The following DCDC2C variants were observed in gnomAD, a reference collection of about 807,000 sequenced individuals.
The protein encoded by DCDC2C is doublecortin domain-containing protein 2C.
Under a neutral mutation model 45.0 loss-of-function variants are expected in DCDC2C, and 44 were observed. That is an observed-to-expected ratio of 0.98 (90% CI 0.77 to 1.26). The LOEUF (loss-of-function observed/expected upper bound fraction) is 1.26. DCDC2C is among the 50% of genes most tolerant of loss of function. The pLI is 0.00. For missense variants in DCDC2C, 447 were observed against 468.9 expected, an observed-to-expected ratio of 0.95 and a Z score of 0.43; for synonymous variants, 187 against 178.8, an observed-to-expected ratio of 1.05 and a Z score of -0.37.
At chr2:3,728,760 T>C (rs1251757932) in intron 3 of DCDC2C, among the ~76,000 whole-genome samples, 1 of 151,860 alleles carries the variant, frequency 6.6e-6, no homozygotes, top group Non-Finnish European at 1.5e-5. Flanking sequence ...GCTTAGATGC[T>C]CAGGAGAGAA....
intron 2 of DCDC2C, among the ~76,000 whole-genome samples, chr2:3,714,319 G>A (rs1342311316): frequency 6.6e-6 from 1 of 152,146 alleles, no homozygotes; most frequent in Non-Finnish European, 1.5e-5. Context: ...ATGCTCTTGG[G>A]GTCTTGGCTT....
At chr2:3,708,451 A>G in intron 1 of DCDC2C, 98 bp from the exon 2 acceptor site, 3 of 874,568 alleles carry the variant, frequency 3.4e-6, no homozygotes, top group Non-Finnish European at 5.1e-6. Context: ...GTGGGGTTGT[A>G]TCTATTAAGC....
At chr2:3,770,700 G>C (rs1306529475) in intron 8 of DCDC2C, among the ~76,000 whole-genome samples, 1 of 152,162 alleles carries the variant, frequency 6.6e-6, no homozygotes, top group Non-Finnish European at 1.5e-5. Flanking sequence ...GTGGCTTTCT[G>C]GGTTGTAGAC....
Position 3,704,022 on chromosome 2 carries a change from C to G in DCDC2C, c.271C>G (p.Arg91Gly). 7.8e-7 allele frequency: 1 copy of G among 1,275,504 alleles called. No homozygotes were observed. Among genetic ancestry groups the G allele is most frequent in the African/African-American group, 1.5e-5 (1 of 64,590 alleles). 79.0% of individuals were successfully genotyped at this position (1,275,504 alleles called of 1,614,324 possible). A position where few individuals can be genotyped will look rare whatever the true frequency, so the allele number is the denominator to read the frequency against. ...GGKYVAAGRE[R>G]FKELDYIHIV... ...CAAGTACGTGGCGGCGGGCCGCGAG[C>G]GCTTCAAGGAGCTCGAGTAAGTGCG... Residue 91 changes from arginine (R) to glycine (G), a missense_variant, in exon 1 of 11, where the codon CGC becomes GGC. Arg to Gly is a moderately radical substitution (Grantham distance 125). Transcript: ENST00000399143.
chr2:3,749,779 C>G (rs1456961874), intron 4 of DCDC2C, among the ~76,000 whole-genome samples: 2 of 152,182 alleles, frequency 1.3e-5, no homozygotes, highest in East Asian at 3.8e-4. Context: ...TATCCACAGT[C>G]CTGTTCTTTG....
At chr2:3,823,710 A>G (rs1389074217) in intron 10 of DCDC2C, among the ~76,000 whole-genome samples, 4 of 152,270 alleles carry the variant, frequency 2.6e-5, no homozygotes, top group African/African-American at 9.6e-5. Context: ...ATCTTTATCA[A>G]TGTTATTCCC....
chr2:3,744,766 G>T (rs1221198762), intron 4 of DCDC2C, among the ~76,000 whole-genome samples: 1 of 152,206 alleles, frequency 6.6e-6, no homozygotes, highest in African/African-American at 2.4e-5. Flanking sequence ...CTGTCGAGCC[G>T]TTTAGAGCAG....
At chr2:3,743,590 G>T (rs1365626340) in intron 4 of DCDC2C, among the ~76,000 whole-genome samples, 1 of 152,190 alleles carries the variant, frequency 6.6e-6, no homozygotes, top group Non-Finnish European at 1.5e-5. Flanking sequence ...TCAGTAATAG[G>T]AGGAAAATTG....
At chr2:3,717,486 G>A (rs984721161) in intron 2 of DCDC2C, among the ~76,000 whole-genome samples, 6 of 141,906 alleles carry the variant, frequency 4.2e-5, no homozygotes, top group Non-Finnish European at 7.5e-5. Flanking sequence ...CCTCCTGATC[G>A]TCTCTGGAGT....
chr2:3,721,908 C>A (rs1318675627), intron 2 of DCDC2C, among the ~76,000 whole-genome samples: 1 of 152,222 alleles, frequency 6.6e-6, no homozygotes, highest in African/African-American at 2.4e-5. Flanking sequence ...GCCTCCCCAG[C>A]CATAGGGAAC....
At chr2:3,704,127 C>G in intron 1 of DCDC2C, 89 bp downstream of exon 1, 1 of 1,118,622 alleles carries the variant, frequency 8.9e-7, no homozygotes, top group Non-Finnish European at 1.1e-6. Context: ...CCCAGGTGTC[C>G]TCCCCAGGCT....
At chr2:3,817,424 G>A (rs1206537971) in intron 10 of DCDC2C, among the ~76,000 whole-genome samples, 1 of 152,176 alleles carries the variant, frequency 6.6e-6, no homozygotes, top group Non-Finnish European at 1.5e-5. Flanking sequence ...CAAGAGTGAG[G>A]GCCTGAGTTA....
chr2:3,758,583 G>C (rs1045437050), intron 6 of DCDC2C, among the ~76,000 whole-genome samples: 1 of 152,200 alleles, frequency 6.6e-6, no homozygotes, highest in Non-Finnish European at 1.5e-5. Context: ...ACCTGAGACA[G>C]GGAGGTCGAC....
At position 3,703,835 on chromosome 2, in the gene DCDC2C, C is replaced by T. The variant is rs1392082934; in HGVS notation, c.84C>T (p.Tyr28=). 2.4e-6 allele frequency: 3 copies of T among 1,272,578 alleles called. No homozygotes were observed. Among genetic ancestry groups the T allele is most frequent in the Middle Eastern group, 2.5e-4 (1 of 3,954 alleles). 78.8% of individuals were successfully genotyped at this position (1,272,578 alleles called of 1,614,324 possible). A position where few individuals can be genotyped will look rare whatever the true frequency, so the allele number is the denominator to read the frequency against. The change falls in exon 1 of 11, where the codon TAC becomes TAT. Residue 28 remains tyrosine, a synonymous_variant. Coordinates refer to ENST00000399143, the MANE Select transcript of DCDC2C (RefSeq NM_001287444.2). This position sits in a 1 kb window ranked among gnomAD's most constrained non-coding sequence, Gnocchi z 4.4. The part of the protein sequence containing the change: ...IVVYRNGDPF[Y]VGKKFVLSRR... ...TGTACCGCAACGGGGACCCGTTCTA[C>T]GTGGGCAAGAAGTTCGTGCTGTCGC...
Position 3,725,470 on chromosome 2 carries a change from T to G in DCDC2C, c.340-1533T>G, listed in dbSNP as rs866085988. 2.0e-3 allele frequency among the ~76,000 whole-genome samples: 191 copies of G among 93,842 alleles called. 10 individuals carry two copies. The highest frequency in any genetic ancestry group is 7.7e-3 in the African/African-American group (185 of 23,970). 61.6% of individuals were successfully genotyped at this position (93,842 alleles called of 152,430 possible). A position where few individuals can be genotyped will look rare whatever the true frequency, so the allele number is the denominator to read the frequency against. ...AGCAGAGAGGGAGGAGGCTGCCCGG[T>G]GGATCCCAGAGGAAGACGAGCAGAG... On this transcript the variant is annotated intron_variant, in intron 2 of 10. Coordinates refer to ENST00000399143, the MANE Select transcript of DCDC2C (RefSeq NM_001287444.2).
At chr2:3,765,463 C>G (rs2148147705) in intron 6 of DCDC2C, among the ~76,000 whole-genome samples, 1 of 152,268 alleles carries the variant, frequency 6.6e-6, no homozygotes, top group South Asian at 2.1e-4. Context: ...TGTAGCAGCA[C>G]AGGTATGGTG....
At chr2:3,814,270 G>T (rs1366497468) in intron 10 of DCDC2C, among the ~76,000 whole-genome samples, 1 of 151,994 alleles carries the variant, frequency 6.6e-6, no homozygotes, top group African/African-American at 2.4e-5. Context: ...TTTTAGCAAG[G>T]TGGTCTTCAA....
intron 3 of DCDC2C, among the ~76,000 whole-genome samples, chr2:3,729,137 G>T (rs776601745): frequency 1.3e-5 from 2 of 152,210 alleles, no homozygotes; most frequent in Non-Finnish European, 2.9e-5. Context: ...GCGTTTAAAA[G>T]ATCTTTTGTC....
At chr2:3,769,232 G>T in intron 7 of DCDC2C, 79 bp from the exon 8 acceptor site, 1 of 1,395,030 alleles carries the variant, frequency 7.2e-7, no homozygotes, top group Admixed American at 2.0e-5. Context: ...TTCGTAACTT[G>T]GGTTTGGGTC....
Sources: gnomAD v4.1 joint callset for allele counts (sites outside exome capture counted in the v4.1 genomes callset) on GRCh38, gnomAD v4.1.1 for gene constraint, Gnocchi (gnomAD v3.1) non-coding constraint, MANE v1.5 for transcripts, NCBI Gene and HGNC (gene_info 2026-07-23, HGNC 2026-07-21) for gene names.